CLYBL: variants seen among roughly 807,000 people sequenced by gnomAD.
CLYBL encodes the protein citramalyl-CoA lyase.
CLYBL carries 31 observed loss-of-function variants against 38.9 expected under a neutral mutation model. The observed-to-expected ratio is 0.80, with a 90% confidence interval of 0.60 to 1.08. The LOEUF is 1.08. Ranked by LOEUF, CLYBL falls within the 50% of genes least tolerant of loss-of-function variation. CLYBL has a pLI of 0.00. For missense variants in CLYBL, 434 were observed against 411.6 expected, an observed-to-expected ratio of 1.05 and a Z score of -0.47; for synonymous variants, 171 against 158.6, an observed-to-expected ratio of 1.08 and a Z score of -0.59.
chr13:99,891,927 T>C (rs953123339), intron 8 of CLYBL: 1 of 152,856 alleles, frequency 6.5e-6, no homozygotes, highest in Non-Finnish European at 1.5e-5. Flanking sequence ...CAAAAAAGAA[T>C]ACTAAGTATT....
At chr13:99,675,226 T>C (rs7993372) in intron 1 of CLYBL, among the ~76,000 whole-genome samples, 121,377 of 152,066 alleles carry the variant, frequency 0.8, 48,617 homozygotes, top group Middle Eastern at 0.85. Flanking sequence ...TTAATATTGA[T>C]GCTGCATCTT....
intron 2 of CLYBL, among the ~76,000 whole-genome samples, chr13:99,822,980 T>A (rs541025715): frequency 3.1e-4 from 47 of 152,336 alleles, no homozygotes; most frequent in Non-Finnish European, 6.2e-4. Flanking sequence ...TTCTCCCATT[T>A]CCTCATCCTT....
intron 1 of CLYBL, among the ~76,000 whole-genome samples, chr13:99,723,762 G>A (rs1237659281): frequency 1.3e-5 from 2 of 152,298 alleles, no homozygotes; most frequent in Non-Finnish European, 2.9e-5. Context: ...TTTCATTTTA[G>A]TAAGGATAAG....
chr13:99,795,460 C>T (rs1217614767), intron 2 of CLYBL, among the ~76,000 whole-genome samples: 1 of 152,016 alleles, frequency 6.6e-6, no homozygotes, highest in South Asian at 2.1e-4. Context: ...TCAAGATCAG[C>T]CTGGGCAACA....
intron 3 of CLYBL, 130 bp from the exon 4 acceptor site, chr13:99,862,861 C>CTT (rs901312765): frequency 9.3e-6 from 4 of 429,908 alleles, no homozygotes; most frequent in African/African-American, 8.2e-5. Flanking sequence ...TAAAAAAATT[C>CTT]TTTTGTGTGG....
chr13:99,657,695 A>G (rs1213013744), intron 1 of CLYBL, among the ~76,000 whole-genome samples: 2 of 151,904 alleles, frequency 1.3e-5, no homozygotes, highest in Middle Eastern at 3.2e-3. Flanking sequence ...TTGATTCTGA[A>G]TTTTTTTTCT....
intron 2 of CLYBL, among the ~76,000 whole-genome samples, chr13:99,794,170 C>T (rs1274688670): frequency 6.6e-6 from 1 of 152,212 alleles, no homozygotes; most frequent in African/African-American, 2.4e-5. Context: ...CCTGTAATCC[C>T]AGCACTTTGG....
chr13:99,796,158 G>T (rs546888744), intron 2 of CLYBL, among the ~76,000 whole-genome samples: 5 of 152,242 alleles, frequency 3.3e-5, no homozygotes, highest in African/African-American at 1.2e-4. Context: ...TACTGGTCAG[G>T]GCCATCATGG....
In CLYBL at chr13:99,871,015, GC is replaced by G; in HGVS notation, c.881del (p.Ala294ValfsTer4). 1 of 1,613,950 alleles carries G rather than the reference GC, an allele frequency of 6.2e-7. No individual in the cohort carries two copies. Among genetic ancestry groups the G allele is most frequent in the South Asian group, 1.1e-5 (1 of 91,062 alleles). The part of the protein sequence containing the change: ...FSPSPEKIKW[A>X]EELIAAFKEH... ...TCCTTCCCCTGAAAAAATTAAGTGG[GC>G]TGAAGAACTGATTGCTGCCTTTAAA... On this transcript the variant is annotated frameshift_variant, in exon 7 of 9. Coordinates refer to ENST00000339105, the MANE Select transcript of CLYBL (RefSeq NM_206808.5). LOFTEE classifies it high-confidence loss of function.
At chr13:99,810,565 T>C (rs1427131543) in intron 2 of CLYBL, among the ~76,000 whole-genome samples, 1 of 152,072 alleles carries the variant, frequency 6.6e-6, no homozygotes, top group Non-Finnish European at 1.5e-5. Flanking sequence ...AGGATGAGCC[T>C]AGAGAGGAAG....
intron 1 of CLYBL, among the ~76,000 whole-genome samples, chr13:99,711,397 G>A (rs918972054): frequency 8.6e-5 from 12 of 139,926 alleles, no homozygotes; most frequent in Non-Finnish European, 1.5e-4. Flanking sequence ...GGGTGAGGGA[G>A]TCCGTCTTTT....
chr13:99,625,011 GA>G (rs1422122116), intron 1 of CLYBL, among the ~76,000 whole-genome samples: 2 of 152,222 alleles, frequency 1.3e-5, no homozygotes, highest in Non-Finnish European at 2.9e-5. Flanking sequence ...AAGCATGATA[GA>G]AAGTGTGGAC....
chr13:99,808,506 T>C (rs536734787), intron 2 of CLYBL, among the ~76,000 whole-genome samples: 20 of 152,144 alleles, frequency 1.3e-4, no homozygotes, highest in Non-Finnish European at 2.1e-4. Flanking sequence ...AAAAAAATTA[T>C]AGACTTAAAA....
chr13:99,803,074 C>T (rs568013466), intron 2 of CLYBL, among the ~76,000 whole-genome samples: 5 of 152,260 alleles, frequency 3.3e-5, no homozygotes, highest in African/African-American at 9.6e-5. Context: ...CCAAGCAAAT[C>T]GGTAACTCAT....
intron 1 of CLYBL, among the ~76,000 whole-genome samples, chr13:99,648,389 G>A (rs1219159643): frequency 6.6e-6 from 1 of 152,204 alleles, no homozygotes; most frequent in African/African-American, 2.4e-5. Context: ...TCTAACAAGA[G>A]TGTGTAAGCA....
chr13:99,615,937 G>A (rs1270228454), intron 1 of CLYBL, among the ~76,000 whole-genome samples: 2 of 152,116 alleles, frequency 1.3e-5, no homozygotes, highest in Non-Finnish European at 2.9e-5. Flanking sequence ...GGGTTCAAGC[G>A]ATCCTCCTGC....
In CLYBL at chr13:99,606,739, C is replaced by T. The variant is rs2046528468; in HGVS notation, c.44C>T (p.Ala15Val). The change falls in exon 1 of 9, where the codon GCG becomes GTG. Residue 15 changes from alanine (A) to valine (V), a missense_variant. By Grantham distance (64) the Ala-to-Val change is moderately conservative (BLOSUM62 0). Transcript: ENST00000339105. ...LLRRAARGAA[A>V]AALLRLKASL... is the part of the protein sequence containing the mutation. ...CGGAGGGCGGCGCGCGGAGCTGCGGCGGCGGCGCTGCTGAGGCTGTGAGTG... is the reference window on the plus strand; with the variant it reads ...CGGAGGGCGGCGCGCGGAGCTGCGGTGGCGGCGCTGCTGAGGCTGTGAGTG... The T allele has an allele frequency of 6.7e-7, 1 of 1,484,880 alleles. No homozygotes were observed. The highest frequency in any genetic ancestry group is 8.9e-7 in the Non-Finnish European group (1 of 1,123,426). 92.0% of individuals were successfully genotyped at this position (1,484,880 alleles called of 1,614,324 possible).
intron 1 of CLYBL, among the ~76,000 whole-genome samples, chr13:99,706,639 T>C (rs1040670368): frequency 6.6e-6 from 1 of 152,146 alleles, no homozygotes; most frequent in Non-Finnish European, 1.5e-5. Flanking sequence ...TATAGTCAAG[T>C]CCAAATTGCT....
At chr13:99,716,131 GTT>G (rs1457653555) in intron 1 of CLYBL, among the ~76,000 whole-genome samples, 1 of 98,766 alleles carries the variant, frequency 1.0e-5, no homozygotes, top group East Asian at 4.0e-4. Context: ...ATAATAAAGT[GTT>G]TTGTAATGTT....
Sources: allele counts gnomAD v4.1 joint callset (sites outside exome capture counted in the v4.1 genomes callset), GRCh38; gene constraint gnomAD v4.1.1; transcripts MANE v1.5; gene names NCBI Gene and HGNC (gene_info 2026-07-23, HGNC 2026-07-21).